The following ADAM28 variants were observed in gnomAD, a reference collection of about 807,000 sequenced individuals.
ADAM28 encodes the protein disintegrin and metalloproteinase domain-containing protein 28.
Under a neutral mutation model 101.2 loss-of-function variants are expected in ADAM28, and 105 were observed. That is an observed-to-expected ratio of 1.04 (90% CI 0.89 to 1.22). The LOEUF (loss-of-function observed/expected upper bound fraction) is 1.22. ADAM28 is among the 50% of genes most tolerant of loss of function. The pLI is 0.00. For synonymous variants in ADAM28, 322 were observed against 310.6 expected (o/e 1.04, Z -0.39); for missense variants, 1,028 against 945.4 (o/e 1.09, Z -1.15).
At chr8:24,343,661 C>G in intron 18 of ADAM28, 77 bp downstream of exon 18, 3 of 1,287,172 alleles carry the variant, frequency 2.3e-6, no homozygotes, top group Non-Finnish European at 3.3e-6. Flanking sequence ...TATGAGATTT[C>G]ACTGCTTCTT....
At chr8:24,316,134 A>G (rs1438526437) in intron 6 of ADAM28, among the ~76,000 whole-genome samples, 2 of 151,614 alleles carry the variant, frequency 1.3e-5, no homozygotes, top group African/African-American at 4.8e-5. Context: ...TTATTCTCAT[A>G]AAATGCTACA....
At chr8:24,311,722 C>T (rs1270385102) in intron 5 of ADAM28, among the ~76,000 whole-genome samples, 1 of 152,090 alleles carries the variant, frequency 6.6e-6, no homozygotes, top group South Asian at 2.1e-4. Flanking sequence ...GAGCTGCTCT[C>T]TCTTCTCGCT....
At chr8:24,305,519 A>G (rs917315519) in intron 2 of ADAM28, among the ~76,000 whole-genome samples, 5 of 127,534 alleles carry the variant, frequency 3.9e-5, no homozygotes, top group African/African-American at 1.5e-4. Context: ...CTTCACCCTC[A>G]CCTGCCAATC....
chr8:24,303,650 T>C (rs1208486494), intron 2 of ADAM28, among the ~76,000 whole-genome samples: 3 of 152,234 alleles, frequency 2.0e-5, no homozygotes, highest in Non-Finnish European at 2.9e-5. Flanking sequence ...ATATGAATTT[T>C]AAAGTAATTT....
rs117358655 is a variant in ADAM28, at chr8:24,318,934, G to A, written c.577-1302G>A. Reference sequence around the variant, plus strand: ...TTTTATTGTAAATCACATCACATCCGTTTTCTGCTCAAAGCCCTCCGATGT... The same window carrying A: ...TTTTATTGTAAATCACATCACATCCATTTTCTGCTCAAAGCCCTCCGATGT... On this transcript the variant is annotated intron_variant, in intron 6 of 22. Coordinates refer to ENST00000265769, the MANE Select transcript of ADAM28 (RefSeq NM_014265.6). 4.5e-4 allele frequency among the ~76,000 whole-genome samples: 69 copies of A among 151,946 alleles called. No individual in the cohort carries two copies. In the East Asian group the frequency reaches 0.012, roughly 27 times the overall value.
At chr8:24,310,340 T>C (rs1014161540) in intron 4 of ADAM28, 99 bp downstream of exon 4, 3 of 1,068,658 alleles carry the variant, frequency 2.8e-6, no homozygotes, top group Non-Finnish European at 4.1e-6. Flanking sequence ...ACTGCATTTG[T>C]AACATTAGTG....
At chr8:24,312,268 T>C (rs1394106948) in intron 5 of ADAM28, among the ~76,000 whole-genome samples, 1 of 152,154 alleles carries the variant, frequency 6.6e-6, no homozygotes, top group Non-Finnish European at 1.5e-5. Context: ...ACCAAACTAA[T>C]GATTGTCTTT....
At chr8:24,327,313 C>T (rs1269074642) in intron 10 of ADAM28, among the ~76,000 whole-genome samples, 2 of 151,960 alleles carry the variant, frequency 1.3e-5, no homozygotes, top group Non-Finnish European at 2.9e-5. Flanking sequence ...GAATAAATAC[C>T]TAGGAATACA....
chr8:24,353,874 A>T, intron 22 of ADAM28, 42 bp downstream of exon 22: 1 of 1,348,914 alleles, frequency 7.4e-7, no homozygotes, highest in South Asian at 1.2e-5. Context: ...TTGTATTATA[A>T]TCTCCTACTG....
chr8:24,314,573 A>C (rs1348168926), intron 6 of ADAM28, among the ~76,000 whole-genome samples: 1 of 152,092 alleles, frequency 6.6e-6, no homozygotes, highest in African/African-American at 2.4e-5. Context: ...GGTCTAAATA[A>C]AATTTCTAGT....
chr8:24,346,087 C>A (rs755932427), intron 18 of ADAM28, among the ~76,000 whole-genome samples: 1 of 151,986 alleles, frequency 6.6e-6, no homozygotes, highest in Non-Finnish European at 1.5e-5. Context: ...ACCAAGAGGA[C>A]AGACCCTAGA....
At chr8:24,317,514 A>G (rs1470859475) in intron 6 of ADAM28, among the ~76,000 whole-genome samples, 1 of 152,048 alleles carries the variant, frequency 6.6e-6, no homozygotes, top group Non-Finnish European at 1.5e-5. Context: ...CTTTTCTTAT[A>G]CCATAACTAA....
chr8:24,310,875 C>T (rs978813322), intron 4 of ADAM28, among the ~76,000 whole-genome samples: 3 of 152,150 alleles, frequency 2.0e-5, no homozygotes, highest in Admixed American at 1.3e-4. Context: ...GGGCATTTTG[C>T]TCCAAATGGA....
At chr8:24,312,432 A>G (rs961793788) in intron 5 of ADAM28, among the ~76,000 whole-genome samples, 1 of 152,054 alleles carries the variant, frequency 6.6e-6, no homozygotes, top group African/African-American at 2.4e-5. Context: ...TCTATCTTCT[A>G]AACACTTTCT....
At chr8:24,348,682 T>C (rs1351426853) in intron 18 of ADAM28, among the ~76,000 whole-genome samples, 14 of 152,162 alleles carry the variant, frequency 9.2e-5, no homozygotes, top group Admixed American at 9.2e-4. Flanking sequence ...TAGTCCACCA[T>C]TACCAGAAAC....
chr8:24,348,314 A>T (rs76892913), intron 18 of ADAM28, among the ~76,000 whole-genome samples: 11,640 of 152,006 alleles, frequency 0.077, 809 homozygotes, highest in African/African-American at 0.18. Flanking sequence ...ATACCCAGCA[A>T]CTCCCACTCC....
chr8:24,308,589 G>T (rs1006000511), intron 2 of ADAM28: 3 of 455,952 alleles, frequency 6.6e-6, no homozygotes, highest in African/African-American at 6.0e-5. Flanking sequence ...AACAGTAAGA[G>T]GTTATGACTA....
intron 13 of ADAM28, 121 bp downstream of exon 13, chr8:24,332,870 A>T (rs1386105279): frequency 4.0e-6 from 2 of 494,652 alleles, no homozygotes; most frequent in Non-Finnish European, 6.6e-6. Flanking sequence ...TGATATATTT[A>T]CTATTTATGA....
chr8:24,331,084 G>A (rs1813297990), intron 11 of ADAM28, 66 bp from the exon 12 acceptor site: 1 of 1,468,768 alleles, frequency 6.8e-7, no homozygotes, highest in African/African-American at 1.4e-5. Flanking sequence ...TGTGCCTAAT[G>A]TCAGATACTG....
Sources: allele counts gnomAD v4.1 joint callset (sites outside exome capture counted in the v4.1 genomes callset), GRCh38; gene constraint gnomAD v4.1.1; transcripts MANE v1.5; gene names NCBI Gene and HGNC (gene_info 2026-07-23, HGNC 2026-07-21).